CDH12: variants seen among roughly 807,000 people sequenced by gnomAD.
CDH12 encodes cadherin-12.
A neutral mutation model predicts 74.1 loss-of-function variants in CDH12; 41 were observed. The ratio of observed to expected loss-of-function variants is 0.55; its 90% CI spans 0.43 to 0.72. The LOEUF is 0.72. Ranked by LOEUF, CDH12 falls within the 30% of genes least tolerant of loss-of-function variation. CDH12 has a pLI of 0.00. For missense variants in CDH12, 945 were observed against 977.2 expected, an observed-to-expected ratio of 0.97 and a Z score of 0.44; for synonymous variants, 399 against 355.0, an observed-to-expected ratio of 1.12 and a Z score of -1.39.
intron 2 of CDH12, among the ~76,000 whole-genome samples, chr5:22,454,757 G>A (rs1003262273): frequency 2.6e-5 from 4 of 152,296 alleles, no homozygotes; most frequent in African/African-American, 7.2e-5. Flanking sequence ...TTACAGGCCT[G>A]AGCCACTGTG....
intron 6 of CDH12, among the ~76,000 whole-genome samples, chr5:21,925,004 A>G (rs979470353): frequency 2.0e-5 from 3 of 152,164 alleles, no homozygotes; most frequent in Non-Finnish European, 4.4e-5. Context: ...TTCAGATATC[A>G]TTTTTTTCTG....
At chr5:22,810,879 C>T (rs1376758833) in intron 1 of CDH12, among the ~76,000 whole-genome samples, 1 of 151,718 alleles carries the variant, frequency 6.6e-6, no homozygotes, top group South Asian at 2.1e-4. Context: ...AAGACCTTCT[C>T]TCAAAAAACA....
At chr5:22,759,339 A>AT (rs1209601219) in intron 1 of CDH12, among the ~76,000 whole-genome samples, 1 of 152,178 alleles carries the variant, frequency 6.6e-6, no homozygotes, top group Non-Finnish European at 1.5e-5. Context: ...GAAATGATGT[A>AT]TTTTCCTGTC....
At chr5:22,021,983 A>T (rs1282996885) in intron 5 of CDH12, among the ~76,000 whole-genome samples, 2 of 152,140 alleles carry the variant, frequency 1.3e-5, no homozygotes, top group Non-Finnish European at 2.9e-5. Context: ...TTACAGTCAC[A>T]TGACACTATG....
chr5:22,035,206 G>A (rs566900274), intron 5 of CDH12, among the ~76,000 whole-genome samples: 8 of 152,194 alleles, frequency 5.3e-5, no homozygotes, highest in African/African-American at 1.9e-4. Flanking sequence ...GGGTCTTCTG[G>A]AAAATTGGAA....
intron 4 of CDH12, among the ~76,000 whole-genome samples, chr5:22,193,929 TAAG>T (rs1750451479): frequency 1.3e-5 from 2 of 152,210 alleles, no homozygotes; most frequent in South Asian, 4.1e-4. Flanking sequence ...ATTTTCCTAT[TAAG>T]AATAACTTAG....
intron 3 of CDH12, among the ~76,000 whole-genome samples, chr5:22,326,428 G>C (rs964648443): frequency 6.6e-6 from 1 of 152,014 alleles, no homozygotes; most frequent in Admixed American, 6.6e-5. Flanking sequence ...GTAGAGACGG[G>C]GTTTCACCGT....
chr5:22,331,827 A>G (rs1391448001), intron 3 of CDH12, among the ~76,000 whole-genome samples: 1 of 152,230 alleles, frequency 6.6e-6, no homozygotes, highest in Non-Finnish European at 1.5e-5. Flanking sequence ...ATAACCAAAA[A>G]AAAATCAAAC....
chr5:22,225,855 A>C (rs971401004), intron 3 of CDH12, among the ~76,000 whole-genome samples: 14 of 152,090 alleles, frequency 9.2e-5, no homozygotes, highest in African/African-American at 3.4e-4. Context: ...CCAAAGGGAA[A>C]GTGAATCATT....
chr5:22,443,660 T>G (rs182489043), intron 2 of CDH12, among the ~76,000 whole-genome samples: 506 of 152,188 alleles, frequency 3.3e-3, no homozygotes, highest in Non-Finnish European at 5.9e-3. Context: ...AAACTTATAT[T>G]CATCCCACTT....
At chr5:22,046,760 T>C (rs1015335516) in intron 5 of CDH12, among the ~76,000 whole-genome samples, 5 of 152,192 alleles carry the variant, frequency 3.3e-5, no homozygotes, top group Admixed American at 3.3e-4. Context: ...AGAAAATTGT[T>C]CCTTATGGTT....
chr5:22,441,403 C>T (rs546677419), intron 2 of CDH12, among the ~76,000 whole-genome samples: 1 of 151,986 alleles, frequency 6.6e-6, no homozygotes, highest in Non-Finnish European at 1.5e-5. Flanking sequence ...ATGTCCAAGA[C>T]ATGAAATTGC....
At position 22,320,846 on chromosome 5, in the gene CDH12, A is replaced by T. The variant is rs577395981; in HGVS notation, c.-333+84411T>A. Among the ~76,000 whole-genome samples the T allele has an allele frequency of 2.6e-5, 4 of 152,316 alleles. No individual in the cohort carries two copies. The East Asian group carries it at 7.7e-4, about 29-fold the overall frequency. On this transcript the variant is annotated intron_variant, in intron 3 of 14. Transcript: ENST00000382254. ...TCACTGTGAGCTCCAGGCTAGTGGAAAGGGAGCTCTATCTAAATCATCAGT... is the reference window on the plus strand; with the variant it reads ...TCACTGTGAGCTCCAGGCTAGTGGATAGGGAGCTCTATCTAAATCATCAGT...
At chr5:22,414,060 G>A (rs1470356694) in intron 2 of CDH12, among the ~76,000 whole-genome samples, 1 of 151,926 alleles carries the variant, frequency 6.6e-6, no homozygotes, top group Admixed American at 6.6e-5. Flanking sequence ...TATAATTTGT[G>A]TGAGTACATA....
chr5:22,120,258 A>G (rs1489434734), intron 4 of CDH12, among the ~76,000 whole-genome samples: 1 of 152,164 alleles, frequency 6.6e-6, no homozygotes, highest in East Asian at 1.9e-4. Context: ...TGTCCTTGGC[A>G]TCATGGTTGA....
intron 9 of CDH12, among the ~76,000 whole-genome samples, chr5:21,809,417 AC>A (rs1747622921): frequency 6.6e-6 from 1 of 152,152 alleles, no homozygotes; most frequent in Non-Finnish European, 1.5e-5. Flanking sequence ...ATGTCCACAT[AC>A]AGTATAAATC....
At chr5:22,179,743 C>A (rs1321824896) in intron 4 of CDH12, among the ~76,000 whole-genome samples, 1 of 152,126 alleles carries the variant, frequency 6.6e-6, no homozygotes, top group Non-Finnish European at 1.5e-5. Flanking sequence ...TCAAAATAAA[C>A]TCACACTTAA....
chr5:22,469,456 T>C (rs1745867708), intron 2 of CDH12, among the ~76,000 whole-genome samples: 1 of 152,122 alleles, frequency 6.6e-6, no homozygotes, highest in Non-Finnish European at 1.5e-5. Context: ...TCCAGTTAAA[T>C]CATACATCTA....
At chr5:21,905,279 A>T (rs548550285) in intron 6 of CDH12, among the ~76,000 whole-genome samples, 110 of 152,364 alleles carry the variant, frequency 7.2e-4, no homozygotes, top group Non-Finnish European at 1.5e-3. Context: ...AGAAATGACA[A>T]AACAAGATAA....
Sources: allele counts gnomAD v4.1 joint callset (sites outside exome capture counted in the v4.1 genomes callset), GRCh38; gene constraint gnomAD v4.1.1; transcripts MANE v1.5; gene names NCBI Gene and HGNC (gene_info 2026-07-23, HGNC 2026-07-21).